FHIT: variants seen among roughly 807,000 people sequenced by gnomAD.
The protein encoded by FHIT is bis(5'-adenosyl)-triphosphatase.
A neutral mutation model predicts 17.9 loss-of-function variants in FHIT; 19 were observed. That is an observed-to-expected ratio of 1.06 (90% CI 0.74 to 1.56). FHIT has a LOEUF of 1.56. Among genes scored for constraint, FHIT ranks in the 40% most tolerant of loss-of-function variants. The probability of loss-of-function intolerance (pLI) is 0.00; values close to 1 mark genes in which losing one functional copy is unlikely to be tolerated. For synonymous variants in FHIT, 81 were observed against 69.7 expected, an observed-to-expected ratio of 1.16 and a Z score of -0.81; for missense variants, 248 against 189.2, an observed-to-expected ratio of 1.31 and a Z score of -1.82.
intron 4 of FHIT, among the ~76,000 whole-genome samples, chr3:60,563,182 G>A (rs2037014799): frequency 6.6e-6 from 1 of 152,158 alleles, no homozygotes; most frequent in Non-Finnish European, 1.5e-5. Flanking sequence ...AGCCCGATGG[G>A]AAGCGGTAGG....
chr3:60,137,194 A>G (rs978163262), intron 5 of FHIT, among the ~76,000 whole-genome samples: 22 of 152,188 alleles, frequency 1.4e-4, no homozygotes, highest in African/African-American at 5.1e-4. Flanking sequence ...TCGCCTCCCT[A>G]GAGCGGAATG....
At chr3:61,220,875 C>T (rs1041724461) in intron 1 of FHIT, among the ~76,000 whole-genome samples, 18 of 152,174 alleles carry the variant, frequency 1.2e-4, no homozygotes, top group Non-Finnish European at 2.2e-4. Context: ...TCTACTGAAG[C>T]CTACCCTTCT....
At chr3:60,892,667 T>C (rs1228609773) in intron 3 of FHIT, among the ~76,000 whole-genome samples, 1 of 152,192 alleles carries the variant, frequency 6.6e-6, no homozygotes, top group Admixed American at 6.5e-5. Flanking sequence ...TTATAAACAT[T>C]GATACTAACA....
intron 5 of FHIT, among the ~76,000 whole-genome samples, chr3:60,521,870 C>CCCAT (rs2035380289): frequency 6.6e-6 from 1 of 152,164 alleles, no homozygotes; most frequent in African/African-American, 2.4e-5. Context: ...TCTTTCTTCT[C>CCCAT]CCATGTACAT....
At chr3:59,868,743 G>A (rs1363692948) in intron 8 of FHIT, among the ~76,000 whole-genome samples, 1 of 152,206 alleles carries the variant, frequency 6.6e-6, no homozygotes, top group African/African-American at 2.4e-5. Flanking sequence ...TGTTCATCAG[G>A]GGGTGGTGGT....
intron 5 of FHIT, 45 bp from the exon 6 acceptor site, chr3:60,014,197 T>C (rs1418856347): frequency 2.3e-5 from 37 of 1,605,816 alleles, no homozygotes; most frequent in Middle Eastern, 1.8e-4. Context: ...CTTTGGGTAG[T>C]GTTCTTACCA....
chr3:61,179,610 A>C (rs1004828022), intron 2 of FHIT, among the ~76,000 whole-genome samples: 3 of 150,236 alleles, frequency 2.0e-5, no homozygotes, highest in Non-Finnish European at 4.4e-5. Flanking sequence ...TGGGAGGCTA[A>C]GACGGGAGGA....
intron 5 of FHIT, among the ~76,000 whole-genome samples, chr3:60,029,453 T>C (rs1575926242): frequency 6.6e-6 from 1 of 152,268 alleles, no homozygotes; most frequent in East Asian, 1.9e-4. Flanking sequence ...AGAGAGCAGA[T>C]GAAGGAAAAT....
intron 5 of FHIT, among the ~76,000 whole-genome samples, chr3:60,285,593 G>A (rs1707686171): frequency 6.6e-6 from 1 of 152,036 alleles, no homozygotes; most frequent in Admixed American, 6.5e-5. Flanking sequence ...AGATTTTTCA[G>A]GCATAATTAC....
intron 4 of FHIT, among the ~76,000 whole-genome samples, chr3:60,711,755 C>A (rs1222170042): frequency 8.5e-5 from 13 of 152,234 alleles, no homozygotes; most frequent in African/African-American, 1.4e-4. Context: ...AACAAAGCCT[C>A]CAAGAAATAT....
chr3:59,992,463 C>T (rs1263049405), intron 7 of FHIT, among the ~76,000 whole-genome samples: 1 of 152,048 alleles, frequency 6.6e-6, no homozygotes, highest in Non-Finnish European at 1.5e-5. Context: ...CAAAGTATTT[C>T]CCTATTAGCG....
chr3:61,011,882 T>C (rs2031810833), intron 3 of FHIT, among the ~76,000 whole-genome samples: 1 of 152,174 alleles, frequency 6.6e-6, no homozygotes, highest in Non-Finnish European at 1.5e-5. Context: ...TATTTCAGAC[T>C]GAGAACTCAG....
At chr3:60,352,948 A>T (rs1419064641) in intron 5 of FHIT, among the ~76,000 whole-genome samples, 3 of 152,120 alleles carry the variant, frequency 2.0e-5, no homozygotes, top group Non-Finnish European at 2.9e-5. Flanking sequence ...TCCTACATTT[A>T]TACCTCCCTT....
intron 5 of FHIT, among the ~76,000 whole-genome samples, chr3:60,193,448 T>C (rs1312869431): frequency 6.6e-6 from 1 of 152,132 alleles, no homozygotes; most frequent in Non-Finnish European, 1.5e-5. Context: ...AATGAATTTC[T>C]AAAAGAAAAC....
rs116774417 is a variant in FHIT, at chr3:60,122,586, G to A, written c.104-108434C>T. On this transcript the variant is annotated intron_variant, in intron 5 of 9. Coordinates refer to ENST00000492590, the MANE Select transcript of FHIT (RefSeq NM_002012.4). The stretch of plus-strand genomic sequence containing the variant: ...CTAAGAGATCATTTTATGGGAAAAA[G>A]CAGCCCCTCCTGAAAACATTCAATT... Among the ~76,000 whole-genome samples the A allele has an allele frequency of 4.5e-3, 685 of 152,242 alleles. 2 individuals are homozygous for A. The highest frequency in any genetic ancestry group is 0.015 in the African/African-American group (643 of 41,552).
chr3:61,048,467 G>A (rs1338405633), intron 2 of FHIT, among the ~76,000 whole-genome samples: 1 of 152,154 alleles, frequency 6.6e-6, no homozygotes, highest in East Asian at 1.9e-4. Flanking sequence ...TCATTAAAAA[G>A]TCAGGAAACA....
chr3:60,505,657 A>T (rs528508821), intron 5 of FHIT, among the ~76,000 whole-genome samples: 1 of 152,174 alleles, frequency 6.6e-6, no homozygotes, highest in Non-Finnish European at 1.5e-5. Flanking sequence ...AATTGGGAAT[A>T]CATATTATTT....
intron 5 of FHIT, among the ~76,000 whole-genome samples, chr3:60,298,149 G>A (rs1371295194): frequency 2.0e-5 from 3 of 152,018 alleles, no homozygotes; most frequent in African/African-American, 4.8e-5. Context: ...TCTGTAAGCT[G>A]GAAGGTCTCC....
chr3:61,147,132 GA>G (rs1260169095), intron 2 of FHIT, among the ~76,000 whole-genome samples: 1 of 151,996 alleles, frequency 6.6e-6, no homozygotes, highest in African/African-American at 2.4e-5. Flanking sequence ...AAACAGTGCA[GA>G]AATGAGTATT....
Sources: allele counts gnomAD v4.1 joint callset (sites outside exome capture counted in the v4.1 genomes callset), GRCh38; gene constraint gnomAD v4.1.1; transcripts MANE v1.5; gene names NCBI Gene and HGNC (gene_info 2026-07-23, HGNC 2026-07-21).